The following PDE4D variants were observed in gnomAD, a reference collection of about 807,000 sequenced individuals.
The protein encoded by PDE4D is 3',5'-cyclic-AMP phosphodiesterase 4D.
Under a neutral mutation model 87.4 loss-of-function variants are expected in PDE4D, and 24 were observed. That is an observed-to-expected ratio of 0.27 (90% CI 0.20 to 0.39). PDE4D has a LOEUF of 0.39. PDE4D is among the 10% of genes least tolerant of loss of function. The pLI, the probability that PDE4D is intolerant of heterozygous loss-of-function variation, is 1.00. For synonymous variants in PDE4D, 384 were observed against 383.2 expected (o/e 1.00, Z -0.02); for missense variants, 714 against 1,041.0 (o/e 0.69, Z 4.32).
chr5:59,949,435 A>C (rs1437009872), intron 3 of PDE4D, among the ~76,000 whole-genome samples: 1 of 110,706 alleles, frequency 9.0e-6, no homozygotes, highest in Non-Finnish European at 1.8e-5. Context: ...TCCGTCTCAC[A>C]AAAAAAAAAA....
intron 1 of PDE4D, among the ~76,000 whole-genome samples, chr5:59,303,175 T>C (rs1581849595): frequency 6.6e-6 from 1 of 152,330 alleles, no homozygotes; most frequent in East Asian, 1.9e-4. Context: ...TTGCTTGCCA[T>C]TTGTATATCT....
intron 1 of PDE4D, among the ~76,000 whole-genome samples, chr5:60,312,465 C>T (rs1371928708): frequency 6.6e-6 from 1 of 152,194 alleles, no homozygotes; most frequent in Non-Finnish European, 1.5e-5. Context: ...CATTGACTCA[C>T]AGTTCTGCAC....
chr5:60,235,595 C>A (rs904271253), intron 1 of PDE4D, among the ~76,000 whole-genome samples: 1 of 151,486 alleles, frequency 6.6e-6, no homozygotes, highest in Non-Finnish European at 1.5e-5. Context: ...TGTGAGCATG[C>A]AAATGTCAAA....
At chr5:59,298,785 T>A (rs1013952504) in intron 1 of PDE4D, among the ~76,000 whole-genome samples, 3 of 152,142 alleles carry the variant, frequency 2.0e-5, no homozygotes, top group African/African-American at 7.2e-5. Flanking sequence ...GTAAAAAAAA[T>A]TTAAATTTCC....
intron 6 of PDE4D, among the ~76,000 whole-genome samples, chr5:59,024,694 G>T (rs2968004): frequency 0.83 from 125,874 of 151,378 alleles, 52,125 homozygotes; most frequent in East Asian, 0.89. Context: ...TAAACTAATC[G>T]TTTCCTGATG....
In PDE4D at chr5:58,977,236, C is replaced by A; in HGVS notation, c.1662G>T (p.Leu554Phe). The A allele has an allele frequency of 6.2e-7, 1 of 1,612,322 alleles. No individual in the cohort carries two copies. Among genetic ancestry groups the A allele is most frequent in the South Asian group, 1.1e-5 (1 of 90,836 alleles). ...TTAAAGATTGTCTTTGTTTTTTGGT[C>A]AAATTCTGGAAAATGTCACAGTTTT... ...QEENCDIFQN[L>F]TKKQRQSLRK... The change falls in exon 12 of 15, where the codon TTG becomes TTT. Residue 554 changes from leucine (L) to phenylalanine (F), a missense_variant. By Grantham distance (22) the Leu-to-Phe change is conservative. Around this residue, in one of 7 missense-constraint regions of PDE4D, gnomAD observed 26 missense variants for 96.9 expected, o/e 0.27. Coordinates refer to ENST00000340635, the MANE Select transcript of PDE4D (RefSeq NM_001104631.2).
At chr5:59,509,070 G>A (rs1809801639) in intron 1 of PDE4D, among the ~76,000 whole-genome samples, 1 of 151,882 alleles carries the variant, frequency 6.6e-6, no homozygotes, top group South Asian at 2.1e-4. Flanking sequence ...TCATATTTAG[G>A]AATACCAATA....
Position 59,928,527 on chromosome 5 carries a change from G to A in PDE4D, c.272+59961C>T, listed in dbSNP as rs575827124. ...CAGGCGGTGGAGGTCGCAGTGAGCCGAGATTGTGCCTCTGCACTCCAGCCT... is the reference window on the plus strand; with the variant it reads ...CAGGCGGTGGAGGTCGCAGTGAGCCAAGATTGTGCCTCTGCACTCCAGCCT... On this transcript the variant is annotated intron_variant, in intron 3 of 16. Coordinates refer to the PDE4D transcript ENST00000502484. Among the ~76,000 whole-genome samples the A allele has an allele frequency of 4.6e-5, 7 of 152,078 alleles. No homozygotes were observed. The South Asian group carries it at 1.5e-3, about 32-fold the overall frequency.
chr5:60,416,204 A>G (rs1023555584), intron 1 of PDE4D, among the ~76,000 whole-genome samples: 1 of 152,066 alleles, frequency 6.6e-6, no homozygotes, highest in African/African-American at 2.4e-5. Context: ...AAAACAGACC[A>G]ATCAGCTCTC....
At chr5:59,649,932 T>TTTTTTTTTTTTTTTTTTTTTTTTGA in intron 1 of PDE4D, among the ~76,000 whole-genome samples, 1 of 141,836 alleles carries the variant, frequency 7.1e-6, no homozygotes, top group East Asian at 2.0e-4. Context: ...TTTTTTTTTT[T>TTTTTTTTTTTTTTTTTTTTTTTTGA]AGCAATGACC....
At chr5:59,964,465 C>T (rs533473711) in intron 3 of PDE4D, among the ~76,000 whole-genome samples, 1 of 152,272 alleles carries the variant, frequency 6.6e-6, no homozygotes, top group East Asian at 1.9e-4. Context: ...AGCTTCTTCA[C>T]TCAGTGTTCT....
At chr5:59,771,499 G>GAGAAGAAAGAAAGAAAGAAAGAAAGA (rs1554081503) in intron 1 of PDE4D, among the ~76,000 whole-genome samples, 9 of 19,708 alleles carry the variant, frequency 4.6e-4, no homozygotes, top group Non-Finnish European at 7.2e-4. Flanking sequence ...GAGAGAGAGA[G>GAGAAGAAAGAAAGAAAGAAAGAAAGA]AAGAAAGAAA....
Position 60,391,296 on chromosome 5 carries a change from T to G in PDE4D, c.-90+96646A>C, listed in dbSNP as rs112864635. ...TCACACTGTCTGCTCTGAAGGTAGA[T>G]AGCTATAAATCAGGCTCTAACAGCC... On this transcript the variant is annotated intron_variant, in intron 1 of 16. Coordinates refer to the PDE4D transcript ENST00000502484. Among the ~76,000 whole-genome samples, 847 of 152,352 alleles carry G rather than the reference T, an allele frequency of 5.6e-3. 12 individuals are homozygous for G. The highest frequency in any genetic ancestry group is 0.02 in the African/African-American group (822 of 41,590).
chr5:59,995,237 T>C (rs1763411036), intron 2 of PDE4D, among the ~76,000 whole-genome samples: 1 of 152,152 alleles, frequency 6.6e-6, no homozygotes. Flanking sequence ...CATTGCTGGC[T>C]CCTCAATTAA....
chr5:59,331,441 C>T (rs1163489381), intron 1 of PDE4D, among the ~76,000 whole-genome samples: 2 of 152,088 alleles, frequency 1.3e-5, no homozygotes, highest in Non-Finnish European at 2.9e-5. Flanking sequence ...TTGTTGGATT[C>T]GGGTCTACCC....
intron 3 of PDE4D, among the ~76,000 whole-genome samples, chr5:59,966,152 G>T (rs115364107): frequency 0.014 from 2,101 of 152,182 alleles, 59 homozygotes; most frequent in African/African-American, 0.048. Flanking sequence ...GTTTACAAAG[G>T]CAATTATCGC....
intron 1 of PDE4D, among the ~76,000 whole-genome samples, chr5:59,688,803 A>G (rs1186767816): frequency 6.6e-6 from 1 of 152,190 alleles, no homozygotes. Context: ...GAAAAGATCA[A>G]CAAAATTGAC....
intron 1 of PDE4D, among the ~76,000 whole-genome samples, chr5:60,318,966 G>A (rs1051364336): frequency 4.6e-5 from 7 of 152,068 alleles, no homozygotes; most frequent in Non-Finnish European, 1.0e-4. Context: ...ATGTGTCTTG[G>A]AGTTGCACTT....
chr5:59,031,117 C>T (rs1490839870), intron 6 of PDE4D, among the ~76,000 whole-genome samples: 1 of 151,956 alleles, frequency 6.6e-6, no homozygotes, highest in African/African-American at 2.4e-5. Context: ...GGGAGCCCTT[C>T]TACACTGTTG....
Sources: allele counts gnomAD v4.1 joint callset (sites outside exome capture counted in the v4.1 genomes callset), GRCh38; gene constraint gnomAD v4.1.1; regional missense constraint gnomAD v4.1.1; transcripts MANE v1.5; gene names NCBI Gene and HGNC (gene_info 2026-07-23, HGNC 2026-07-21).